FLG: variants seen among roughly 807,000 people sequenced by gnomAD.
The protein encoded by FLG is filaggrin.
Under a neutral mutation model 3.8 loss-of-function variants are expected in FLG, and 6 were observed. The observed-to-expected ratio is 1.60, with a 90% CI of 0.87 to 3.15. The LOEUF (loss-of-function observed/expected upper bound fraction) is 3.15, where lower values mean the gene tolerates loss of function less well. FLG is among the 30% of genes most tolerant of loss of function. The probability of loss-of-function intolerance (pLI) is 0.00; values close to 1 mark genes in which losing one functional copy is unlikely to be tolerated. For missense variants in FLG, 7,595 were observed against 5,050.9 expected (o/e 1.50, Z -15.27); for synonymous variants, 2,551 against 1,931.6 (o/e 1.32, Z -8.41).
chr1:152,313,816 C>T lies in FLG; in HGVS notation c.1070G>A (p.Gly357Asp), dbSNP rs781051503. Residue 357 changes from glycine (G) to aspartate (D), a missense_variant, in exon 3 of 3, where the codon GGC becomes GAC. Physicochemically the swap from Gly to Asp is moderately conservative, Grantham distance 94. Coordinates refer to ENST00000368799, the MANE Select transcript of FLG (RefSeq NM_002016.2). Reference protein sequence around the residue: ...GHSADSSRQSGTRHAETSSRG... With the variant: ...GHSADSSRQSDTRHAETSSRG... ...AGAGGAAGTCTCTGCGTGACGAGTG[C>T]CTGATTGTCTGGAGCTGTCTGCAGA... is the stretch of plus-strand genomic sequence containing the variant. 1.9e-6 allele frequency: 3 copies of T among 1,614,042 alleles called. No individual in the cohort carries two copies. The highest frequency in any genetic ancestry group is 1.1e-5 in the South Asian group (1 of 91,074).
chr1:152,315,236 A>G lies in FLG; in HGVS notation c.138+83T>C, dbSNP rs576326151. ...TTTCCTATTTTAAGAGAAATAGTTC[A>G]CAAAGAGCTCAAAATAACCCTTGCT... On this transcript the variant is annotated intron_variant, in intron 2 of 2. Transcript: ENST00000368799. 139 of 1,325,646 alleles carry G rather than the reference A, an allele frequency of 1.0e-4. No homozygotes were observed. In the African/African-American group the frequency reaches 2.0e-3, roughly 19 times the overall value. The allele number at this position is 1,325,646 out of a possible 1,614,324, so 82.1% of individuals were successfully genotyped here. A position where few individuals can be genotyped will look rare whatever the true frequency, so the allele number is the denominator to read the frequency against.
Position 152,311,184 on chromosome 1 carries a change from C to T in FLG, c.3702G>A (p.Gly1234=). The T allele has an allele frequency of 6.2e-7, 1 of 1,612,668 alleles. No homozygotes were observed. The highest frequency in any genetic ancestry group is 8.5e-7 in the Non-Finnish European group (1 of 1,179,184). Residue 1234 remains glycine (G), a synonymous_variant, in exon 3 of 3, where the codon GGG becomes GGA. Transcript: ENST00000368799. ...AAGAGGCAGCTTCATGGTGACGTGA[C>T]CCTGAGTGCCTGGAGCCGTCTCCTG... The part of the protein sequence containing the change: ...KQSGDGSRHS[G]SRHHEAASWA...
rs747388681 is a variant in FLG at position 152,313,487 on chromosome 1, A to T, written c.1399T>A (p.Ser467Thr). 3 of 1,613,312 alleles carry T rather than the reference A, an allele frequency of 1.9e-6. No individual in the cohort carries two copies. The Admixed American group carries it at 5.0e-5, about 27-fold the overall frequency. ...RSGERSGRSG[S>T]SLYQVSTHEQ... ...TGAGTGCTCACCTGGTAGAGGGAAG[A>T]CCCTGAACGTCCAGACCGTTCCCCT... The change falls in exon 3 of 3, where the codon TCT (serine) becomes ACT (threonine). Residue 467 changes from serine to threonine, a missense_variant. Coordinates refer to ENST00000368799, the MANE Select transcript of FLG (RefSeq NM_002016.2).
At chr1:152,317,867 G>A (rs897862516) in intron 1 of FLG, among the ~76,000 whole-genome samples, 14 of 151,884 alleles carry the variant, frequency 9.2e-5, no homozygotes, top group African/African-American at 2.2e-4. Context: ...TCGCACACCC[G>A]TTATCCTCAT....
Position 152,309,159 on chromosome 1 carries a change from C to T in FLG, c.5727G>A (p.Arg1909=), listed in dbSNP as rs112627337. The change falls in exon 3 of 3, where the codon AGG becomes AGA. Residue 1909 remains arginine (R), a synonymous_variant. Transcript: ENST00000368799. ...QVGQGQSSGP[R]TSRNQGSSVS... ...CACTGGATCCCTGGTTCCTGCTTGT[C>T]CTGGGCCCTGATGATTGTCCCTGGC... is the stretch of plus-strand genomic sequence containing the variant. The T allele has an allele frequency of 3.2e-6, 5 of 1,550,168 alleles. No individual in the cohort carries two copies. In the Admixed American group the frequency reaches 5.6e-5, roughly 17 times the overall value.
chr1:152,304,598 C>T lies in FLG; in HGVS notation c.10288G>A (p.Gly3430Ser). Residue 3430 changes from glycine (G) to serine (S), a missense_variant, in exon 3 of 3, where the codon GGT becomes AGT. Coordinates refer to ENST00000368799, the MANE Select transcript of FLG (RefSeq NM_002016.2). ...GGGTGTCCACGAATGGTGTCCTGACCCTCTTGGGACGCTGAGTGCCTGGAG... is the reference window on the plus strand; with the variant it reads ...GGGTGTCCACGAATGGTGTCCTGACTCTCTTGGGACGCTGAGTGCCTGGAG... ...DSSRHSASQE[G>S]QDTIRGHPGS... 2 of 1,610,336 alleles carry T rather than the reference C, an allele frequency of 1.2e-6. No individual in the cohort carries two copies. The highest frequency in any genetic ancestry group is 1.3e-5 in the African/African-American group (1 of 74,478).
rs1336303897 is a variant in FLG at position 152,312,442 on chromosome 1, C to G, written c.2444G>C (p.Gly815Ala). The G allele has an allele frequency of 1.1e-5, 17 of 1,613,602 alleles. No individual in the cohort carries two copies. Among genetic ancestry groups the G allele is most frequent in the Non-Finnish European group, 1.4e-5 (16 of 1,179,880 alleles). ...SSHGWTGPST[G>A]VRQGSHHEQA... The stretch of plus-strand genomic sequence containing the variant: ...CTCATGGTGGGATCCTTGTCTTACT[C>G]CAGTGCTGGGCCCTGTCCATCCATG... The change falls in exon 3 of 3, where the codon GGA becomes GCA. Residue 815 changes from glycine to alanine, a missense_variant. Physicochemically the swap from Gly to Ala is moderately conservative, Grantham distance 60. Coordinates refer to ENST00000368799, the MANE Select transcript of FLG (RefSeq NM_002016.2).
In FLG at chr1:152,307,088, T is replaced by C; in HGVS notation, c.7798A>G (p.Arg2600Gly). Residue 2600 changes from arginine (R) to glycine (G), a missense_variant, in exon 3 of 3, where the codon AGA becomes GGA. Arg to Gly is a moderately radical substitution (Grantham distance 125, BLOSUM62 -2). Transcript: ENST00000368799. ...GACCTGGGGTGTCTGGAGCCATCTCTTAGCTGCTCCTGAGCAGATCCATGA... is the reference window on the plus strand; with the variant it reads ...GACCTGGGGTGTCTGGAGCCATCTCCTAGCTGCTCCTGAGCAGATCCATGA... ...NHHGSAQEQL[R>G]DGSRHPRSHQ... 1 of 1,610,604 alleles carries C rather than the reference T, an allele frequency of 6.2e-7. No homozygotes were observed. Among genetic ancestry groups the C allele is most frequent in the Non-Finnish European group, 8.5e-7 (1 of 1,179,656 alleles).
At position 152,305,035 on chromosome 1, in the gene FLG, C is replaced by T. The variant is rs780031358; in HGVS notation, c.9851G>A (p.Gly3284Asp). The part of the protein sequence containing the change: ...SGTRHAETSS[G>D]GQAASSHEQA... ...TTCATGGGATGATGCAGCCTGTCCA[C>T]CAGAGGAAGTCTCTGCGTGACGAGT... The change falls in exon 3 of 3, where the codon GGT becomes GAT. Residue 3284 changes from glycine (G) to aspartate (D), a missense_variant. Gly to Asp is a moderately conservative substitution (Grantham distance 94). Coordinates refer to ENST00000368799, the MANE Select transcript of FLG (RefSeq NM_002016.2). 3 of 1,613,850 alleles carry T rather than the reference C, an allele frequency of 1.9e-6. No individual in the cohort carries two copies. In the South Asian group the frequency reaches 3.3e-5, roughly 18 times the overall value.
chr1:152,318,394 T>C (rs1465453922), intron 1 of FLG, among the ~76,000 whole-genome samples: 1 of 151,978 alleles, frequency 6.6e-6, no homozygotes, highest in Admixed American at 6.6e-5. Context: ...TGAAATAGAA[T>C]TAACCATTCC....
At position 152,310,719 on chromosome 1, in the gene FLG, C is replaced by T; in HGVS notation, c.4167G>A (p.Gly1389=). 6.2e-7 allele frequency: 1 copy of T among 1,613,970 alleles called. No individual in the cohort carries two copies. The highest frequency in any genetic ancestry group is 1.1e-5 in the South Asian group (1 of 91,066). The part of the protein sequence containing the change: ...SSAVRDSGHR[G]SSGSQVTNSE... ...TGTTAGTGACCTGACTACCACTGGA[C>T]CCTCGGTGTCCACTGTCTCTGACTG... Residue 1389 remains glycine (G), a synonymous_variant, in exon 3 of 3, where the codon GGG becomes GGA. Transcript: ENST00000368799.
intron 1 of FLG, among the ~76,000 whole-genome samples, chr1:152,324,503 AAG>A (rs1653083783): frequency 1.3e-5 from 2 of 151,800 alleles, no homozygotes; most frequent in African/African-American, 4.8e-5. Context: ...TCTCAACTCA[AAG>A]ATAATTCCCT....
At chr1:152,324,648 A>T (rs1375855806) in intron 1 of FLG, among the ~76,000 whole-genome samples, 1 of 151,866 alleles carries the variant, frequency 6.6e-6, no homozygotes, top group African/African-American at 2.4e-5. Flanking sequence ...AAACTTTCTT[A>T]AAACATTACG....
In FLG at chr1:152,312,143, C is replaced by T; in HGVS notation, c.2743G>A (p.Glu915Lys). The stretch of plus-strand genomic sequence containing the variant: ...GAGATGTCGGCATGAGAGGAAGCTT[C>T]ATGGTGACGTGACCCTGAGTGCCTG... ...GSRHSGSRHH[E>K]ASSHADISRH... Residue 915 changes from glutamate to lysine, a missense_variant, in exon 3 of 3, where the codon GAA (glutamate) becomes AAA (lysine). By Grantham distance (56) the Glu-to-Lys change is moderately conservative. Coordinates refer to ENST00000368799, the MANE Select transcript of FLG (RefSeq NM_002016.2). 2 of 1,614,020 alleles carry T rather than the reference C, an allele frequency of 1.2e-6. No homozygotes were observed. Among genetic ancestry groups the T allele is most frequent in the Non-Finnish European group, 1.7e-6 (2 of 1,180,008 alleles).
rs188394023 is a variant in FLG at position 152,309,752 on chromosome 1, G to A, written c.5134C>T (p.Arg1712Ter). Reference sequence around the variant, plus strand: ...CTGGCCTGGCTACCACTGGACCCTCGGTTTCCACTGTCTCCGACTACAGAT... The same window carrying A: ...CTGGCCTGGCTACCACTGGACCCTCAGTTTCCACTGTCTCCGACTACAGAT... ...DSSVVGDSGN[R>*]GSSGSQASDS... is the part of the protein sequence containing the mutation. Residue 1712 changes from arginine (R) to a stop codon, truncating the protein, a stop_gained, in exon 3 of 3, where the codon CGA (arginine) becomes TGA (stop). Transcript: ENST00000368799. LOFTEE classifies it low-confidence loss of function (END_TRUNC). 1.3e-5 allele frequency: 21 copies of A among 1,613,936 alleles called. No homozygotes were observed. Among genetic ancestry groups the A allele is most frequent in the South Asian group, 1.2e-4 (11 of 91,068 alleles).
chr1:152,316,783 C>T (rs1652802454), intron 1 of FLG, among the ~76,000 whole-genome samples: 1 of 152,110 alleles, frequency 6.6e-6, no homozygotes, highest in Non-Finnish European at 1.5e-5. Context: ...CTATTTACTG[C>T]TTTATGTACT....
rs1180129745 is a variant in FLG at position 152,309,567 on chromosome 1, T to C, written c.5319A>G (p.Glu1773=). The C allele has an allele frequency of 1.2e-5, 19 of 1,613,764 alleles. No individual in the cohort carries two copies. The highest frequency in any genetic ancestry group is 1.6e-5 in the Non-Finnish European group (19 of 1,179,956). The change falls in exon 3 of 3, where the codon GAA becomes GAG. Residue 1773 remains glutamate (E), a synonymous_variant. Coordinates refer to ENST00000368799, the MANE Select transcript of FLG (RefSeq NM_002016.2). ...TGCGTCCATGGGCGGACTCAGACTG[T>C]TCATGAGTGCTCACCTGGTAGAGGA... ...GSFLYQVSTH[E]QSESAHGRTG... is the part of the protein sequence containing the mutation.
At position 152,307,162 on chromosome 1, in the gene FLG, C is replaced by T. The variant is rs1178889005; in HGVS notation, c.7724G>A (p.Gly2575Glu). Residue 2575 changes from glycine to glutamate, a missense_variant, in exon 3 of 3, where the codon GGA (glycine) becomes GAA (glutamate). Physicochemically the swap from Gly to Glu is moderately conservative, Grantham distance 98. Transcript: ENST00000368799. ...CCACCTCTCAGAGTCTTCTGAGTGT[C>T]CCTGACTGTCACTGTCCTGGCTAAA... ...SSFSQDSDSQGHSEDSERWSG... is the reference protein window; with the variant it reads ...SSFSQDSDSQEHSEDSERWSG... 2.5e-6 allele frequency: 4 copies of T among 1,612,746 alleles called. No individual in the cohort carries two copies. The highest frequency in any genetic ancestry group is 2.5e-6 in the Non-Finnish European group (3 of 1,179,966).
In FLG at chr1:152,308,913, C is replaced by A; in HGVS notation, c.5973G>T (p.Ala1991=). 1 of 1,614,042 alleles carries A rather than the reference C, an allele frequency of 6.2e-7. No homozygotes were observed. The highest frequency in any genetic ancestry group is 1.1e-5 in the South Asian group (1 of 91,082). Reference sequence around the variant, plus strand: ...TTGATCTTGCCTGTTCATGGGATGACGCAGCCTGTCCACGAGAGGAAGACT... The same window carrying A: ...TTGATCTTGCCTGTTCATGGGATGAAGCAGCCTGTCCACGAGAGGAAGACT... The part of the protein sequence containing the change: ...HTESSSRGQA[A]SSHEQARSSA... The change falls in exon 3 of 3, where the codon GCG becomes GCT. Residue 1991 remains alanine (A), a synonymous_variant. Transcript: ENST00000368799.
Sources: gnomAD v4.1 joint callset for allele counts (sites outside exome capture counted in the v4.1 genomes callset) on GRCh38, gnomAD v4.1.1 for gene constraint, MANE v1.5 for transcripts, NCBI Gene and HGNC (gene_info 2026-07-23, HGNC 2026-07-21) for gene names.